AIM2: variants seen among roughly 807,000 people sequenced by gnomAD.
The protein encoded by AIM2 is absent in melanoma 2, also known as interferon-inducible protein AIM2.
A neutral mutation model predicts 27.7 loss-of-function variants in AIM2; 30 were observed. The ratio of observed to expected loss-of-function variants is 1.08; its 90% confidence interval spans 0.81 to 1.47. The LOEUF is 1.47. Ranked by LOEUF, AIM2 falls within the 40% of genes most tolerant of loss-of-function variation. The pLI is 0.00. For synonymous variants in AIM2, 141 were observed against 145.3 expected, an observed-to-expected ratio of 0.97 and a Z score of 0.21; for missense variants, 358 against 411.3, an observed-to-expected ratio of 0.87 and a Z score of 1.12.
intron 1 of AIM2, among the ~76,000 whole-genome samples, chr1:159,095,704 G>C (rs1657165524): frequency 6.6e-6 from 1 of 152,080 alleles, no homozygotes; most frequent in African/African-American, 2.4e-5. Flanking sequence ...ATATTATAAA[G>C]GATGCTTGGA....
intron 1 of AIM2, among the ~76,000 whole-genome samples, chr1:159,134,669 T>C (rs1451475362): frequency 6.6e-6 from 1 of 152,132 alleles, no homozygotes; most frequent in Admixed American, 6.5e-5. Context: ...CGGTCTCTAC[T>C]AAAAATACAA....
At chr1:159,145,092 A>C (rs993292662), upstream of AIM2, among the ~76,000 whole-genome samples, 1 of 151,554 alleles carries the variant, frequency 6.6e-6, no homozygotes, top group East Asian at 1.9e-4. Flanking sequence ...TTACTATCTC[A>C]CCCCTAAGGA....
intron 1 of AIM2, among the ~76,000 whole-genome samples, chr1:159,093,538 C>A (rs190051745): frequency 6.6e-6 from 1 of 151,978 alleles, no homozygotes; most frequent in South Asian, 2.1e-4. Flanking sequence ...AGCCAAAAAA[C>A]GGGGAAACCT....
intron 1 of AIM2, among the ~76,000 whole-genome samples, chr1:159,092,685 G>A (rs1657074092): frequency 6.6e-6 from 1 of 152,284 alleles, no homozygotes; most frequent in Admixed American, 6.5e-5. Context: ...AAAGAGGATA[G>A]GTTACTTGCC....
At chr1:159,112,785 T>A (rs2102030406) in intron 1 of AIM2, among the ~76,000 whole-genome samples, 1 of 152,174 alleles carries the variant, frequency 6.6e-6, no homozygotes, top group South Asian at 2.1e-4. Flanking sequence ...GAAGTTAAAA[T>A]ATGTGACAGA....
intron 1 of AIM2, among the ~76,000 whole-genome samples, chr1:159,099,568 T>C (rs1344710358): frequency 1.3e-5 from 2 of 152,292 alleles, no homozygotes; most frequent in African/African-American, 4.8e-5. Context: ...CAACTTTTCT[T>C]TTTTCAAGTC....
chr1:159,113,689 T>C (rs1647253535), intron 1 of AIM2, among the ~76,000 whole-genome samples: 1 of 152,224 alleles, frequency 6.6e-6, no homozygotes, highest in Non-Finnish European at 1.5e-5. Flanking sequence ...GGGCTTTTTC[T>C]AGAAAACTTC....
chr1:159,125,091 C>A (rs1057380922), intron 1 of AIM2, among the ~76,000 whole-genome samples: 1 of 152,150 alleles, frequency 6.6e-6, no homozygotes, highest in Admixed American at 6.5e-5. Flanking sequence ...TGCTGCCAAG[C>A]CTGACTGCTT....
intron 1 of AIM2, among the ~76,000 whole-genome samples, chr1:159,088,632 G>T (rs1354442096): frequency 6.6e-6 from 1 of 152,172 alleles, no homozygotes; most frequent in Non-Finnish European, 1.5e-5. Flanking sequence ...TTGACAGGTG[G>T]GGTCTTTAAG....
chr1:159,068,455 C>T (rs1420890649), intron 3 of AIM2, 113 bp downstream of exon 3: 3 of 1,393,664 alleles, frequency 2.2e-6, no homozygotes, highest in East Asian at 2.5e-5. Flanking sequence ...ATGCTGTGGC[C>T]TTGCTTCCCT....
Position 159,133,917 on chromosome 1 carries a change from CA to C in AIM2, c.-16+6513del, listed in dbSNP as rs531424996. On this transcript the variant is annotated intron_variant, in intron 1 of 2. Coordinates refer to the AIM2 transcript ENST00000368129. ...ATGCATATGACTTCCAAAATTAAAT[CA>C]GCAGTTCAGACCTGACCTGACTCTC... is the stretch of plus-strand genomic sequence containing the variant. Among the ~76,000 whole-genome samples, 50 of 152,242 alleles carry C rather than the reference CA, an allele frequency of 3.3e-4. 1 individual carries two copies. In the South Asian group the frequency reaches 9.3e-3, roughly 28 times the overall value.
chr1:159,111,814 ACTATCTATCTATCTATC>A (rs1221874561), intron 1 of AIM2, among the ~76,000 whole-genome samples: 16 of 146,874 alleles, frequency 1.1e-4, no homozygotes, highest in African/African-American at 3.9e-4. Flanking sequence ...AAAAAAAAAA[ACTATCTATCTATCTATC>A]ATCTATCTAT....
intron 1 of AIM2, among the ~76,000 whole-genome samples, chr1:159,129,526 T>C (rs1251916028): frequency 6.6e-6 from 1 of 152,178 alleles, no homozygotes; most frequent in Non-Finnish European, 1.5e-5. Flanking sequence ...TGGGTATCAA[T>C]GCTGTCTCCA....
chr1:159,124,369 G>A (rs575953311), intron 1 of AIM2, among the ~76,000 whole-genome samples: 9 of 152,246 alleles, frequency 5.9e-5, no homozygotes, highest in South Asian at 2.1e-4. Flanking sequence ...AGTAATATTC[G>A]ACAGAGACAG....
upstream of AIM2, among the ~76,000 whole-genome samples, chr1:159,143,982 C>T (rs1480024400): frequency 6.6e-6 from 1 of 152,162 alleles, no homozygotes; most frequent in Non-Finnish European, 1.5e-5. Context: ...GGCTATAACC[C>T]TGGGAGCAGA....
At chr1:159,133,006 T>G (rs1254312691) in intron 1 of AIM2, among the ~76,000 whole-genome samples, 5 of 152,238 alleles carry the variant, frequency 3.3e-5, no homozygotes, top group Admixed American at 6.5e-5. Context: ...TTTCCTCATC[T>G]TCCAGATATC....
At chr1:159,085,900 A>T (rs1364490831) in intron 1 of AIM2, among the ~76,000 whole-genome samples, 1 of 152,246 alleles carries the variant, frequency 6.6e-6, no homozygotes, top group African/African-American at 2.4e-5. Flanking sequence ...AAGAGAGTAG[A>T]TCTTAAATGT....
chr1:159,065,236 T>C (rs1391373286), intron 4 of AIM2, among the ~76,000 whole-genome samples: 1 of 152,160 alleles, frequency 6.6e-6, no homozygotes, highest in Non-Finnish European at 1.5e-5. Context: ...ATAAATACTT[T>C]ATTATTTCTC....
At chr1:159,098,081 A>C (rs1175773824) in intron 1 of AIM2, among the ~76,000 whole-genome samples, 2 of 152,220 alleles carry the variant, frequency 1.3e-5, no homozygotes, top group Non-Finnish European at 2.9e-5. Context: ...AGCTATGTGA[A>C]GACCTTTCAC....
Sources: gnomAD v4.1 joint callset for allele counts (sites outside exome capture counted in the v4.1 genomes callset) on GRCh38, gnomAD v4.1.1 for gene constraint, MANE v1.5 for transcripts, NCBI Gene and HGNC (gene_info 2026-07-23, HGNC 2026-07-21) for gene names.